The following NPR3 variants were observed in gnomAD, a reference collection of about 807,000 sequenced individuals.
The protein encoded by NPR3 is atrial natriuretic peptide receptor 3.
Under a neutral mutation model 54.5 loss-of-function variants are expected in NPR3, and 34 were observed. The ratio of observed to expected loss-of-function variants is 0.62; its 90% CI spans 0.47 to 0.83. NPR3 has a LOEUF of 0.83. NPR3 is among the 40% of genes least tolerant of loss of function. The probability of loss-of-function intolerance (pLI) is 0.00; values close to 1 mark genes in which losing one functional copy is unlikely to be tolerated. For synonymous variants in NPR3, 289 were observed against 297.1 expected, an observed-to-expected ratio of 0.97 and a Z score of 0.28; for missense variants, 674 against 720.8, an observed-to-expected ratio of 0.94 and a Z score of 0.74.
chr5:32,728,363 T>G (rs917089567), intron 2 of NPR3, among the ~76,000 whole-genome samples: 1 of 151,306 alleles, frequency 6.6e-6, no homozygotes, highest in Non-Finnish European at 1.5e-5. Context: ...CTTGGGAGGC[T>G]GAGGCACGAG....
intron 1 of NPR3, among the ~76,000 whole-genome samples, chr5:32,704,263 G>A (rs1737925771): frequency 6.6e-6 from 1 of 152,144 alleles, no homozygotes; most frequent in Non-Finnish European, 1.5e-5. Flanking sequence ...ATTCAAGGCT[G>A]TCTTTCCTAC....
intron 5 of NPR3, among the ~76,000 whole-genome samples, chr5:32,781,304 G>A (rs1742327937): frequency 6.6e-6 from 1 of 152,208 alleles, no homozygotes; most frequent in Non-Finnish European, 1.5e-5. Context: ...AAATCATCAT[G>A]TCTTCCTGGC....
rs756654584 is a variant in NPR3, at chr5:32,782,921, G to T, written c.1319G>T (p.Gly440Val). ...EVIGDYFGKE[G>V]RFEMRPNVKY... ...ATTGGTGATTATTTTGGAAAAGAAG[G>T]TCGTTTTGAAATGCGGCCGAATGTC... Residue 440 changes from glycine (G) to valine (V), a missense_variant, in exon 6 of 8, where the codon GGT (glycine) becomes GTT (valine). Physicochemically the swap from Gly to Val is moderately radical, Grantham distance 109. Transcript: ENST00000265074. 1.2e-6 allele frequency: 2 copies of T among 1,611,842 alleles called. No homozygotes were observed. The highest frequency in any genetic ancestry group is 2.2e-5 in the South Asian group (2 of 90,602).
intron 1 of NPR3, among the ~76,000 whole-genome samples, chr5:32,691,826 T>G (rs1157542823): frequency 6.6e-6 from 1 of 152,210 alleles, no homozygotes; most frequent in African/African-American, 2.4e-5. Flanking sequence ...GGAGAAGGAA[T>G]AAGTAAAACA....
intron 3 of NPR3, among the ~76,000 whole-genome samples, chr5:32,743,786 G>A (rs965428137): frequency 6.6e-6 from 1 of 152,092 alleles, no homozygotes; most frequent in African/African-American, 2.4e-5. Flanking sequence ...TGCTACATGT[G>A]TGTGGTGTGA....
At position 32,789,715 on chromosome 5, in the gene NPR3, GGT is replaced by G. The variant is rs754119630; in HGVS notation, c.*3381_*3382del. The G allele has an allele frequency of 1.9e-5, 10 of 532,286 alleles. No individual in the cohort carries two copies. Among genetic ancestry groups the G allele is most frequent in the Admixed American group, 3.9e-5 (2 of 51,340 alleles). 33.0% of individuals were successfully genotyped at this position (532,286 alleles called of 1,614,324 possible). On this transcript the variant is annotated 3_prime_UTR_variant, in exon 8 of 8. Coordinates refer to ENST00000265074, the MANE Select transcript of NPR3 (RefSeq NM_001204375.2). Reference sequence around the variant, plus strand: ...TTCCTTTTAGTTATGGCTGATTTTGGGTGTGTGTGTGTAAGACATGCAGTCAA... The same window carrying G: ...TTCCTTTTAGTTATGGCTGATTTTGGGTGTGTGTGTAAGACATGCAGTCAA...
intron 4 of NPR3, among the ~76,000 whole-genome samples, chr5:32,779,643 GC>G: frequency 6.6e-6 from 1 of 152,180 alleles, no homozygotes; most frequent in Non-Finnish European, 1.5e-5. Context: ...ATTACTGCTT[GC>G]CCAATCTTAG....
At chr5:32,759,595 C>T (rs1020610941) in intron 3 of NPR3, among the ~76,000 whole-genome samples, 6 of 152,090 alleles carry the variant, frequency 3.9e-5, no homozygotes, top group Non-Finnish European at 8.8e-5. Flanking sequence ...GAGTATTCAG[C>T]CCATTTACAT....
At chr5:32,752,662 A>G (rs1740638400) in intron 3 of NPR3, among the ~76,000 whole-genome samples, 1 of 152,196 alleles carries the variant, frequency 6.6e-6, no homozygotes, top group Non-Finnish European at 1.5e-5. Context: ...ATAAAGGTAA[A>G]CTACAAGTTG....
At chr5:32,721,726 G>A (rs1236662988) in intron 1 of NPR3, among the ~76,000 whole-genome samples, 2 of 152,102 alleles carry the variant, frequency 1.3e-5, no homozygotes, top group African/African-American at 4.8e-5. Flanking sequence ...GTGGTGGTGG[G>A]GTATGTCTTA....
rs1190408364 is a variant in NPR3 at position 32,787,173 on chromosome 5, A to G, written c.*828A>G. On this transcript the variant is annotated 3_prime_UTR_variant, in exon 8 of 8. Transcript: ENST00000265074. ...AAAGCATGGGTGAAGTGTACAACAAACCAATAATGATAAAAAATACTTCTC... is the reference window on the plus strand; with the variant it reads ...AAAGCATGGGTGAAGTGTACAACAAGCCAATAATGATAAAAAATACTTCTC... 1 of 152,596 alleles carries G rather than the reference A, an allele frequency of 6.6e-6. No homozygotes were observed. Among genetic ancestry groups the G allele is most frequent in the Non-Finnish European group, 1.5e-5 (1 of 68,024 alleles). 9.5% of individuals were successfully genotyped at this position (152,596 alleles called of 1,614,324 possible). A position where few individuals can be genotyped will look rare whatever the true frequency, so the allele number is the denominator to read the frequency against.
intron 1 of NPR3, among the ~76,000 whole-genome samples, chr5:32,700,238 T>C (rs1740632818): frequency 6.6e-6 from 1 of 152,208 alleles, no homozygotes; most frequent in Admixed American, 6.5e-5. Context: ...GATATCTTTT[T>C]CTAGGTTTGG....
chr5:32,713,303 G>A (rs1738366120), intron 1 of NPR3: 2 of 985,278 alleles, frequency 2.0e-6, no homozygotes, highest in African/African-American at 3.5e-5. Flanking sequence ...TGTCCCCCAA[G>A]TTTTCTCCAT....
At chr5:32,708,641 G>A (rs1038450167), upstream of NPR3, among the ~76,000 whole-genome samples, 2 of 152,190 alleles carry the variant, frequency 1.3e-5, no homozygotes, top group Admixed American at 6.5e-5. Flanking sequence ...CATCTAGAGA[G>A]TAAGGGGTGT....
rs779492545 is a variant in NPR3, at chr5:32,782,912, G to A, written c.1310G>A (p.Gly437Glu). 6.2e-7 allele frequency: 1 copy of A among 1,611,544 alleles called. No homozygotes were observed. The highest frequency in any genetic ancestry group is 8.5e-7 in the Non-Finnish European group (1 of 1,178,744). The change falls in exon 6 of 8, where the codon GGA becomes GAA. Residue 437 changes from glycine to glutamate, a missense_variant. Gly to Glu is a moderately conservative substitution (Grantham distance 98). Coordinates refer to ENST00000265074, the MANE Select transcript of NPR3 (RefSeq NM_001204375.2). ...GTQEVIGDYF[G>E]KEGRFEMRPN... is the part of the protein sequence containing the mutation. ...ATATAGGTTATTGGTGATTATTTTG[G>A]AAAAGAAGGTCGTTTTGAAATGCGG...
At chr5:32,779,505 T>G (rs978181946) in intron 4 of NPR3, among the ~76,000 whole-genome samples, 1 of 152,210 alleles carries the variant, frequency 6.6e-6, no homozygotes, top group African/African-American at 2.4e-5. Flanking sequence ...CAGCCTTACG[T>G]GTCACTGACT....
chr5:32,752,207 C>CCAAAAA (rs58111360), intron 3 of NPR3, among the ~76,000 whole-genome samples: 4,664 of 149,932 alleles, frequency 0.031, 89 homozygotes, highest in Middle Eastern at 0.041. Context: ...TCCTCCACCT[C>CCAAAAA]CAAAAACAAA....
At chr5:32,784,693 G>T (rs1742515504) in intron 6 of NPR3, 103 bp from the exon 7 acceptor site, 1 of 823,264 alleles carries the variant, frequency 1.2e-6, no homozygotes, top group Non-Finnish European at 2.0e-6. Flanking sequence ...AGGAAAAGTT[G>T]CCTCCAATGG....
rs1181737333 is a variant in NPR3 at position 32,711,874 on chromosome 5, G to T, written c.98G>T (p.Gly33Val). ...GGTGGCGGTGGCGTTGGCGGCGGCG[G>T]CGGTGGCGCGGGCATAGGCGGCGGA... is the stretch of plus-strand genomic sequence containing the variant. The part of the protein sequence containing the change: ...GTGGGGVGGG[G>V]GGAGIGGGRQ... The change falls in exon 1 of 8, where the codon GGC becomes GTC. Residue 33 changes from glycine to valine, a missense_variant. By Grantham distance (109) the Gly-to-Val change is moderately radical. Transcript: ENST00000265074. The T allele has an allele frequency of 6.8e-7, 1 of 1,465,098 alleles. No individual in the cohort carries two copies. Among genetic ancestry groups the T allele is most frequent in the African/African-American group, 1.4e-5 (1 of 69,342 alleles). The allele number at this position is 1,465,098 out of a possible 1,614,324, so 90.8% of individuals were successfully genotyped here.
Sources: allele counts gnomAD v4.1 joint callset (sites outside exome capture counted in the v4.1 genomes callset), GRCh38; gene constraint gnomAD v4.1.1; transcripts MANE v1.5; gene names NCBI Gene and HGNC (gene_info 2026-07-23, HGNC 2026-07-21).